Variants in GRK3 observed in about 807,000 individuals in gnomAD.
The protein encoded by GRK3 is G protein-coupled receptor kinase 3, also known as adrenergic, beta, receptor kinase 2.
GRK3 carries 54 observed loss-of-function variants against 95.7 expected under a neutral mutation model. The ratio of observed to expected loss-of-function variants is 0.56; its 90% CI spans 0.45 to 0.71. The LOEUF (loss-of-function observed/expected upper bound fraction) is 0.71, where lower values mean the gene tolerates loss of function less well. Among genes scored for constraint, GRK3 ranks in the 30% least tolerant of loss-of-function variants. GRK3 has a pLI of 0.00. For synonymous variants in GRK3, 281 were observed against 290.8 expected (o/e 0.97, Z 0.34); for missense variants, 649 against 851.2 (o/e 0.76, Z 2.96).
chr22:25,686,154 G>A (rs537416732), intron 10 of GRK3, among the ~76,000 whole-genome samples: 2 of 151,590 alleles, frequency 1.3e-5, no homozygotes, highest in South Asian at 2.1e-4. Context: ...CTCAGGAGGC[G>A]GAGCTTGCAG....
intron 10 of GRK3, among the ~76,000 whole-genome samples, chr22:25,687,030 G>A (rs2146433248): frequency 6.6e-6 from 1 of 152,168 alleles, no homozygotes; most frequent in Admixed American, 6.5e-5. Flanking sequence ...ATGTTGACCA[G>A]GCTGGTCTCG....
intron 19 of GRK3, among the ~76,000 whole-genome samples, chr22:25,719,057 T>A (rs2085409787): frequency 6.6e-6 from 1 of 152,190 alleles, no homozygotes; most frequent in Non-Finnish European, 1.5e-5. Flanking sequence ...CTTGAGCATC[T>A]GTGGATTTTG....
chr22:25,572,907 G>T (rs1931756321), intron 1 of GRK3, among the ~76,000 whole-genome samples: 1 of 152,088 alleles, frequency 6.6e-6, no homozygotes, highest in Non-Finnish European at 1.5e-5. Flanking sequence ...AAAGATGTTG[G>T]GGGACATCCA....
At chr22:25,676,029 A>G (rs1329695212) in intron 8 of GRK3, among the ~76,000 whole-genome samples, 1 of 152,236 alleles carries the variant, frequency 6.6e-6, no homozygotes, top group Non-Finnish European at 1.5e-5. Flanking sequence ...TCTATAAAGT[A>G]GGAGTAATAA....
intron 7 of GRK3, among the ~76,000 whole-genome samples, chr22:25,673,684 G>A (rs935668442): frequency 1.3e-5 from 2 of 152,126 alleles, no homozygotes; most frequent in East Asian, 3.9e-4. Context: ...GCCAGGATAT[G>A]TAAAGTAGTA....
chr22:25,718,658 C>A lies in GRK3; in HGVS notation c.1791+277C>A, dbSNP rs181913210. Among the ~76,000 whole-genome samples the A allele has an allele frequency of 2.6e-3, 396 of 152,294 alleles. 5 individuals are homozygous for A. The highest frequency in any genetic ancestry group is 2.4e-3 in the Non-Finnish European group (160 of 68,026). On this transcript the variant is annotated intron_variant, in intron 19 of 20. Coordinates refer to ENST00000324198, the MANE Select transcript of GRK3 (RefSeq NM_005160.4). ...TGAAGAAGGCTGGAGAGCAGTTAGA[C>A]AGATCTAAAAAGAAAAGACAAGCTG... is the stretch of plus-strand genomic sequence containing the variant.
intron 12 of GRK3, 28 bp downstream of exon 12, chr22:25,690,311 C>G: frequency 1.3e-6 from 2 of 1,520,504 alleles, no homozygotes; most frequent in Non-Finnish European, 1.8e-6. Context: ...TTCAGTTCAC[C>G]ACCATTTCTC....
intron 1 of GRK3, among the ~76,000 whole-genome samples, chr22:25,603,174 C>G (rs2084420768): frequency 6.6e-6 from 1 of 152,110 alleles, no homozygotes; most frequent in South Asian, 2.1e-4. Context: ...GCCTCGGCCT[C>G]CCAAAGTGGT....
rs551427982 is a variant in GRK3, at chr22:25,633,077, AT to A, written c.191-11504del. ...AGGCACCTGCCACCAAGCCTGGCTAATTTTTTTTTTTGTATTTTTAATAAAG... is the reference window on the plus strand; with the variant it reads ...AGGCACCTGCCACCAAGCCTGGCTAATTTTTTTTTTGTATTTTTAATAAAG... On this transcript the variant is annotated intron_variant, in intron 2 of 20. Coordinates refer to ENST00000324198, the MANE Select transcript of GRK3 (RefSeq NM_005160.4). Among the ~76,000 whole-genome samples, 1,120 of 145,632 alleles carry A rather than the reference AT, an allele frequency of 7.7e-3. 14 individuals carry two copies. Among genetic ancestry groups the A allele is most frequent in the African/African-American group, 0.025 (1,008 of 39,902 alleles).
rs1362180527 is a variant in GRK3, at chr22:25,698,112, G to A, written c.1160+2898G>A. Among the ~76,000 whole-genome samples, 4 of 148,078 alleles carry A rather than the reference G, an allele frequency of 2.7e-5. No homozygotes were observed. The East Asian group carries it at 6.0e-4, about 22-fold the overall frequency. Reference sequence around the variant, plus strand: ...AGGGAGGAAGGAGAGGGAGGGAGGAGGGAAGGAAGAAAGGAGGAAGGAGAG... The same window carrying A: ...AGGGAGGAAGGAGAGGGAGGGAGGAAGGAAGGAAGAAAGGAGGAAGGAGAG... On this transcript the variant is annotated intron_variant, in intron 13 of 20. Coordinates refer to ENST00000324198, the MANE Select transcript of GRK3 (RefSeq NM_005160.4).
At chr22:25,697,148 C>G (rs1296019918) in intron 13 of GRK3, among the ~76,000 whole-genome samples, 1 of 152,210 alleles carries the variant, frequency 6.6e-6, no homozygotes, top group Non-Finnish European at 1.5e-5. Context: ...GCAGTAAAAT[C>G]TGACAATCCC....
At chr22:25,675,198 T>A (rs1162892740) in intron 8 of GRK3, among the ~76,000 whole-genome samples, 12 of 151,914 alleles carry the variant, frequency 7.9e-5, no homozygotes. Flanking sequence ...AAGAGAGACA[T>A]TCTCTTTTAA....
chr22:25,577,034 G>C (rs1258909801), intron 1 of GRK3, among the ~76,000 whole-genome samples: 2 of 152,148 alleles, frequency 1.3e-5, no homozygotes, highest in African/African-American at 4.8e-5. Flanking sequence ...TACATGTCAT[G>C]AGTTCTTAAT....
chr22:25,694,708 C>T (rs1401504545), intron 12 of GRK3, among the ~76,000 whole-genome samples: 4 of 152,162 alleles, frequency 2.6e-5, no homozygotes, highest in Non-Finnish European at 5.9e-5. Context: ...CCTTCAAGGT[C>T]CACAGCGCCG....
intron 8 of GRK3, among the ~76,000 whole-genome samples, chr22:25,675,275 A>C (rs947920191): frequency 2.0e-5 from 3 of 152,148 alleles, no homozygotes; most frequent in Admixed American, 2.0e-4. Flanking sequence ...GGTTCGCTAG[A>C]TCAGTAGCTG....
Position 25,565,005 on chromosome 22 carries a change from G to A in GRK3, c.-36G>A. ...CGGGCGCGCGTCCCGTCCAGGTCCGGAGTAACCGCCGCCGCCGCCGCCAAA... is the reference window on the plus strand; with the variant it reads ...CGGGCGCGCGTCCCGTCCAGGTCCGAAGTAACCGCCGCCGCCGCCGCCAAA... On this transcript the variant is annotated 5_prime_UTR_variant, in exon 1 of 21. Transcript: ENST00000324198. 1 of 1,151,534 alleles carries A rather than the reference G, an allele frequency of 8.7e-7. No homozygotes were observed. The highest frequency in any genetic ancestry group is 1.4e-5 in the South Asian group (1 of 72,114). The allele number at this position is 1,151,534 out of a possible 1,614,324, so 71.3% of individuals were successfully genotyped here.
intron 9 of GRK3, among the ~76,000 whole-genome samples, chr22:25,682,301 G>C (rs2085081076): frequency 6.6e-6 from 1 of 152,128 alleles, no homozygotes; most frequent in Admixed American, 6.5e-5. Context: ...TACAATGCAG[G>C]AAGGGGCATG....
In GRK3 at chr22:25,723,864, A is replaced by C. The variant is rs2085453637; in HGVS notation, c.*1414A>C. The stretch of plus-strand genomic sequence containing the variant: ...ATTTGTTTGCTGTGTTCATGGGCAA[A>C]GTAAGTACTTTTTAATGCAGTTATT... On this transcript the variant is annotated 3_prime_UTR_variant, in exon 21 of 21. Coordinates refer to ENST00000324198, the MANE Select transcript of GRK3 (RefSeq NM_005160.4). 1 of 151,922 alleles carries C rather than the reference A, an allele frequency of 6.6e-6. No homozygotes were observed. Among genetic ancestry groups the C allele is most frequent in the South Asian group, 2.1e-4 (1 of 4,814 alleles). The allele number at this position is 151,922 out of a possible 1,614,324, so 9.4% of individuals were successfully genotyped here.
At chr22:25,594,803 A>G (rs58367928) in intron 1 of GRK3, among the ~76,000 whole-genome samples, 32,222 of 151,832 alleles carry the variant, frequency 0.21, 7,195 homozygotes, top group African/African-American at 0.57. Context: ...GCGTGAACCC[A>G]GGAGGCAGAG....
Sources: allele counts gnomAD v4.1 joint callset (sites outside exome capture counted in the v4.1 genomes callset), GRCh38; gene constraint gnomAD v4.1.1; transcripts MANE v1.5; gene names NCBI Gene and HGNC (gene_info 2026-07-23, HGNC 2026-07-21).